ATG7: variants seen among roughly 807,000 people sequenced by gnomAD.
The protein encoded by ATG7 is ubiquitin-like modifier-activating enzyme ATG7.
In ATG7, 70 loss-of-function variants were observed where a neutral mutation model predicts 82.4. The observed-to-expected ratio is 0.85, with a 90% CI of 0.70 to 1.04. ATG7 has a LOEUF of 1.04. ATG7 is among the 50% of genes least tolerant of loss of function. ATG7 has a pLI of 0.00. For synonymous variants in ATG7, 287 were observed against 313.0 expected (o/e 0.92, Z 0.88); for missense variants, 792 against 864.3 (o/e 0.92, Z 1.05).
At chr3:11,549,183 T>A (rs1362337509) in intron 20 of ATG7, among the ~76,000 whole-genome samples, 1 of 152,186 alleles carries the variant, frequency 6.6e-6, no homozygotes, top group East Asian at 1.9e-4. Flanking sequence ...CAGATGGGTT[T>A]TTGCCCTTGT....
chr3:11,510,302 A>T, intron 20 of ATG7: 1 of 456,186 alleles, frequency 2.2e-6, no homozygotes, highest in Non-Finnish European at 4.4e-6. Context: ...AAGCAGAACA[A>T]TTCCTTGCAT....
chr3:11,321,493 GT>G (rs1950218865), intron 9 of ATG7, among the ~76,000 whole-genome samples: 1 of 152,192 alleles, frequency 6.6e-6, no homozygotes, highest in Non-Finnish European at 1.5e-5. Context: ...AGTGAGAAGT[GT>G]TGTCTGCATT....
chr3:11,281,898 A>T (rs1024651684), intron 2 of ATG7, among the ~76,000 whole-genome samples: 1 of 152,202 alleles, frequency 6.6e-6, no homozygotes, highest in African/African-American at 2.4e-5. Flanking sequence ...CTTTAAACAT[A>T]CCAGAAATGA....
At chr3:11,386,537 C>T (rs750400462) in intron 19 of ATG7, among the ~76,000 whole-genome samples, 2 of 152,126 alleles carry the variant, frequency 1.3e-5, no homozygotes, top group African/African-American at 4.8e-5. Context: ...GGCCAGAGCC[C>T]AGTCGGAAGA....
chr3:11,315,973 C>T (rs1467346108), intron 9 of ATG7, among the ~76,000 whole-genome samples: 3 of 152,142 alleles, frequency 2.0e-5, no homozygotes, highest in Non-Finnish European at 4.4e-5. Flanking sequence ...CCTGCTTCGG[C>T]CTCCCAAACT....
Position 11,315,508 on chromosome 3 carries a change from G to C in ATG7, c.678+15G>C. On this transcript the variant is annotated intron_variant, in intron 9 of 20. Transcript: ENST00000693202. ...AAAGGACGAAGGTCAGATAAACTTTGAGTATCATTTTATTATATAGTTTTT... is the reference window on the plus strand; with the variant it reads ...AAAGGACGAAGGTCAGATAAACTTTCAGTATCATTTTATTATATAGTTTTT... The C allele has an allele frequency of 6.4e-7, 1 of 1,560,262 alleles. No individual in the cohort carries two copies. Among genetic ancestry groups the C allele is most frequent in the South Asian group, 1.2e-5 (1 of 81,884 alleles).
intron 20 of ATG7, among the ~76,000 whole-genome samples, chr3:11,546,279 T>C (rs545519479): frequency 2.7e-5 from 4 of 150,760 alleles, no homozygotes; most frequent in South Asian, 2.1e-4. Context: ...TCAAGCAATT[T>C]TCCTGCCTCA....
intron 18 of ATG7, among the ~76,000 whole-genome samples, chr3:11,370,114 G>A (rs536295993): frequency 1.3e-5 from 2 of 151,152 alleles, no homozygotes; most frequent in South Asian, 2.1e-4. Flanking sequence ...GCACAGTTCT[G>A]GGCACATAAG....
At chr3:11,473,263 C>A (rs1049091524) in intron 20 of ATG7, among the ~76,000 whole-genome samples, 3 of 152,200 alleles carry the variant, frequency 2.0e-5, no homozygotes, top group African/African-American at 7.2e-5. Flanking sequence ...TCCAGTTCTG[C>A]AGCCACATAG....
rs2087088260 is a variant in ATG7 at position 11,468,679 on chromosome 3, TG to T, written c.2079+41754del. 2.0e-5 allele frequency among the ~76,000 whole-genome samples: 3 copies of T among 152,170 alleles called. No individual in the cohort carries two copies. The South Asian group carries it at 6.2e-4, about 31-fold the overall frequency. On this transcript the variant is annotated intron_variant, in intron 20 of 20. Coordinates refer to ENST00000693202, the MANE Select transcript of ATG7 (RefSeq NM_001349232.2). ...CCCACTACTTCATTCTTTCAAGCCCTGTGACCTGTTCCTCTAAATGCCTGTG... is the reference window on the plus strand; with the variant it reads ...CCCACTACTTCATTCTTTCAAGCCCTTGACCTGTTCCTCTAAATGCCTGTG...
intron 19 of ATG7, among the ~76,000 whole-genome samples, chr3:11,413,563 G>A (rs1279603344): frequency 6.6e-6 from 1 of 151,538 alleles, no homozygotes; most frequent in Non-Finnish European, 1.5e-5. Context: ...GTAGAAAACT[G>A]TAAAGATGTC....
At chr3:11,402,924 G>C (rs1398194801) in intron 19 of ATG7, among the ~76,000 whole-genome samples, 1 of 152,046 alleles carries the variant, frequency 6.6e-6, no homozygotes, top group Non-Finnish European at 1.5e-5. Context: ...GATTTCTCCT[G>C]TTTTAAAAAT....
chr3:11,518,787 A>T (rs2092354892), intron 20 of ATG7, among the ~76,000 whole-genome samples: 1 of 152,206 alleles, frequency 6.6e-6, no homozygotes, highest in Non-Finnish European at 1.5e-5. Context: ...AAAGCAGTGT[A>T]CTTTTAAGAG....
chr3:11,288,917 G>A (rs886090216), intron 3 of ATG7, among the ~76,000 whole-genome samples: 1 of 152,096 alleles, frequency 6.6e-6, no homozygotes, highest in Admixed American at 6.5e-5. Context: ...TGAACTTCTT[G>A]GCTACTGCAG....
intron 20 of ATG7, among the ~76,000 whole-genome samples, chr3:11,472,528 T>C (rs1189917412): frequency 6.6e-6 from 1 of 152,162 alleles, no homozygotes; most frequent in Non-Finnish European, 1.5e-5. Flanking sequence ...TCACATAATC[T>C]GAGAGCCAGG....
intron 20 of ATG7, among the ~76,000 whole-genome samples, chr3:11,519,894 T>C (rs2092398246): frequency 6.6e-6 from 1 of 152,010 alleles, no homozygotes; most frequent in Non-Finnish European, 1.5e-5. Flanking sequence ...AAGCATCTTT[T>C]GTTTCAAACC....
At chr3:11,420,388 C>T (rs1405006038) in intron 19 of ATG7, among the ~76,000 whole-genome samples, 3 of 151,968 alleles carry the variant, frequency 2.0e-5, no homozygotes, top group African/African-American at 7.3e-5. Flanking sequence ...TTAGTTTTTC[C>T]GTGGTCAGAT....
chr3:11,316,479 C>G (rs1440271936), intron 9 of ATG7, among the ~76,000 whole-genome samples: 2 of 152,224 alleles, frequency 1.3e-5, no homozygotes, highest in Admixed American at 6.5e-5. Context: ...TATTGAAATT[C>G]TATCTCCACT....
At chr3:11,280,489 C>T (rs1317447064) in intron 1 of ATG7, among the ~76,000 whole-genome samples, 1 of 152,184 alleles carries the variant, frequency 6.6e-6, no homozygotes, top group African/African-American at 2.4e-5. Flanking sequence ...GCTCATGAAC[C>T]TATGCCCTTT....
Sources: allele counts gnomAD v4.1 joint callset (sites outside exome capture counted in the v4.1 genomes callset), GRCh38; gene constraint gnomAD v4.1.1; transcripts MANE v1.5; gene names NCBI Gene and HGNC (gene_info 2026-07-23, HGNC 2026-07-21).